UBR4: variants seen among roughly 807,000 people sequenced by gnomAD.
UBR4 encodes the protein ubiquitin protein ligase E3 component n-recognin 4, also known as E3 ubiquitin-protein ligase UBR4.
Under a neutral mutation model 575.6 loss-of-function variants are expected in UBR4, and 124 were observed. The observed-to-expected ratio is 0.22, with a 90% CI of 0.19 to 0.25. The LOEUF is 0.25. Among genes scored for constraint, UBR4 ranks in the 10% least tolerant of loss-of-function variants. UBR4 has a pLI of 1.00. For missense variants in UBR4, 4,818 were observed against 6,478.8 expected, an observed-to-expected ratio of 0.74 and a Z score of 8.80; for synonymous variants, 2,455 against 2,473.7, an observed-to-expected ratio of 0.99 and a Z score of 0.22.
At position 19,173,311 on chromosome 1, in the gene UBR4, T is replaced by A. The variant is rs753872839; in HGVS notation, c.3166-5A>T. ...TCCCTGTTTGATAAGGTGATCCTAT[T>A]TGGACAGCAAGAAAAAGTGTTTAGG... On this transcript the variant is annotated splice_polypyrimidine_tract_variant and splice_region_variant and intron_variant, in intron 23 of 105. Transcript: ENST00000375254. 3 of 1,614,050 alleles carry A rather than the reference T, an allele frequency of 1.9e-6. No homozygotes were observed. In the South Asian group the frequency reaches 3.3e-5, roughly 18 times the overall value.
Position 19,100,177 on chromosome 1 carries a change from A to C in UBR4, c.13221+199T>G. 5 of 606,566 alleles carry C rather than the reference A, an allele frequency of 8.2e-6. No individual in the cohort carries two copies. Among genetic ancestry groups the C allele is most frequent in the African/African-American group, 1.8e-5 (1 of 54,094 alleles). The allele number at this position is 606,566 out of a possible 1,614,324, so 37.6% of individuals were successfully genotyped here. A position where few individuals can be genotyped will look rare whatever the true frequency, so the allele number is the denominator to read the frequency against. On this transcript the variant is annotated intron_variant, in intron 89 of 105. Coordinates refer to ENST00000375254, the MANE Select transcript of UBR4 (RefSeq NM_020765.3). This position sits in a 1 kb window ranked among gnomAD's most constrained non-coding sequence, Gnocchi z 4.2. Reference sequence around the variant, plus strand: ...GCTTACTTCCTGCCAGGCACTGGGCAGAGCCCTTTACAGGTTATTAACCTT... The same window carrying C: ...GCTTACTTCCTGCCAGGCACTGGGCCGAGCCCTTTACAGGTTATTAACCTT...
In UBR4 at chr1:19,113,711, G is replaced by A. The variant is rs747041102; in HGVS notation, c.11445C>T (p.Ser3815=). 7.5e-5 allele frequency: 121 copies of A among 1,614,036 alleles called. 1 individual carries two copies. The Admixed American group carries it at 2.0e-3, about 26-fold the overall frequency. Residue 3815 remains serine (S), a synonymous_variant, in exon 77 of 106, where the codon TCC becomes TCT. Transcript: ENST00000375254. ...GDCKNSFDEL[S]KIIQKVFASR... ...CCCCGCTCTCTACCTGGATGATTTT[G>A]GAGAGTTCATCAAAAGAGTTCTTGC...
At position 19,092,708 on chromosome 1, in the gene UBR4, T is replaced by C; in HGVS notation, c.14211+111A>G. 7 of 824,932 alleles carry C rather than the reference T, an allele frequency of 8.5e-6. 1 individual carries two copies. In the Admixed American group the frequency reaches 1.8e-4, roughly 22 times the overall value. The allele number at this position is 824,932 out of a possible 1,614,324, so 51.1% of individuals were successfully genotyped here. Reference sequence around the variant, plus strand: ...AGATGAAGTAGATGACTTCTGAGGCTCACTTCTACTCTAGAAGTCTCATAT... The same window carrying C: ...AGATGAAGTAGATGACTTCTGAGGCCCACTTCTACTCTAGAAGTCTCATAT... On this transcript the variant is annotated intron_variant, in intron 97 of 105. Coordinates refer to ENST00000375254, the MANE Select transcript of UBR4 (RefSeq NM_020765.3).
intron 26 of UBR4, 149 bp downstream of exon 26, chr1:19,170,613 T>TCAAAATA (rs2089366408): frequency 9.2e-7 from 1 of 1,088,340 alleles, no homozygotes. Flanking sequence ...ATTGTGAAGA[T>TCAAAATA]CAAAATAGAC....
intron 10 of UBR4, 41 bp from the exon 11 acceptor site, chr1:19,192,419 A>C: frequency 1.2e-6 from 2 of 1,614,190 alleles, no homozygotes; most frequent in Non-Finnish European, 1.7e-6. Flanking sequence ...AATCATAGAG[A>C]TATTTACATC....
rs140034841 is a variant in UBR4 at position 19,156,919 on chromosome 1, C to T, written c.5767G>A (p.Val1923Ile). 5.9e-5 allele frequency: 95 copies of T among 1,613,334 alleles called. No homozygotes were observed. The highest frequency in any genetic ancestry group is 7.0e-5 in the Non-Finnish European group (82 of 1,179,664). The change falls in exon 41 of 106, where the codon GTT becomes ATT. Residue 1923 changes from valine (V) to isoleucine (I), a missense_variant. By Grantham distance (29) the Val-to-Ile change is conservative. This residue lies in a region of UBR4 where 461 missense variants were observed against 606.9 expected (regional missense o/e 0.76). Transcript: ENST00000375254. ...AVSHEKGKIT[V>I]LQLSALLKQA... The stretch of plus-strand genomic sequence containing the variant: ...TTCAGGAGTGCAGAGAGCTGCAGAA[C>T]GGTGATCTGCAAAGGAACAATGACT...
chr1:19,095,930 T>C (rs2077992818), intron 92 of UBR4: 4 of 360,558 alleles, frequency 1.1e-5, no homozygotes. Flanking sequence ...CTCTGTTTGT[T>C]GTCTTGGGGG....
chr1:19,156,709 A>C, intron 41 of UBR4, 58 bp downstream of exon 41: 9 of 1,568,730 alleles, frequency 5.7e-6, no homozygotes, highest in Non-Finnish European at 7.8e-6. Flanking sequence ...AGAACAGGGG[A>C]GAGAAAATGA....
In UBR4 at chr1:19,140,819, G is replaced by A. The variant is rs768248229; in HGVS notation, c.8562C>T (p.Asp2854=). The A allele has an allele frequency of 2.0e-5, 33 of 1,613,204 alleles. No homozygotes were observed. Among genetic ancestry groups the A allele is most frequent in the African/African-American group, 5.3e-5 (4 of 74,938 alleles). The part of the protein sequence containing the change: ...SGQAPSSSSL[D]AGTLSDTTAS... ...CTGTGGTGTCAGAGAGGGTTCCTGC[G>A]TCCAGAGAGGAAGAGCTGGGTGCCT... Residue 2854 remains aspartate (D), a synonymous_variant, in exon 58 of 106, where the codon GAC becomes GAT. Transcript: ENST00000375254.
At position 19,089,548 on chromosome 1, in the gene UBR4, T is replaced by C. The variant is rs963783947; in HGVS notation, c.14212-571A>G. On this transcript the variant is annotated intron_variant, in intron 97 of 105. Coordinates refer to ENST00000375254, the MANE Select transcript of UBR4 (RefSeq NM_020765.3). This position sits in a 1 kb window ranked among gnomAD's most constrained non-coding sequence, Gnocchi z 4.3. ...ACAAAAAAGATATTAACAAGAAACC[T>C]CTGTGCCTGAAAAAGCTGGAAGTCA... 3.9e-5 allele frequency among the ~76,000 whole-genome samples: 6 copies of C among 152,066 alleles called. No individual in the cohort carries two copies. Among genetic ancestry groups the C allele is most frequent in the Admixed American group, 3.9e-4 (6 of 15,268 alleles).
At chr1:19,124,172 T>C (rs370956070) in intron 65 of UBR4, among the ~76,000 whole-genome samples, 1 of 152,384 alleles carries the variant, frequency 6.6e-6, no homozygotes. Flanking sequence ...TGTTACCTCA[T>C]GTTTCCTTTT....
chr1:19,146,732 A>G, intron 52 of UBR4, 94 bp downstream of exon 52: 2 of 1,466,000 alleles, frequency 1.4e-6, no homozygotes, highest in Non-Finnish European at 1.8e-6. Flanking sequence ...CTGAGCATGC[A>G]GTCAGTCAGA....
At chr1:19,138,685 T>C (rs1261689548) in intron 59 of UBR4, among the ~76,000 whole-genome samples, 2 of 152,220 alleles carry the variant, frequency 1.3e-5, no homozygotes, top group East Asian at 3.9e-4. Flanking sequence ...AAAAAAACCC[T>C]TCCCCAAATA....
rs2080896956 is a variant in UBR4, at chr1:19,119,093, G to A, written c.10456-136C>T. 8 of 732,892 alleles carry A rather than the reference G, an allele frequency of 1.1e-5. No individual in the cohort carries two copies. In the South Asian group the frequency reaches 1.3e-4, roughly 12 times the overall value. 45.4% of individuals were successfully genotyped at this position (732,892 alleles called of 1,614,324 possible). A position where few individuals can be genotyped will look rare whatever the true frequency, so the allele number is the denominator to read the frequency against. ...TCTCAGTCAGAATCATACAAAGCTG[G>A]GCCTAATTTCAATCATTTAAATGGA... is the stretch of plus-strand genomic sequence containing the variant. On this transcript the variant is annotated intron_variant, in intron 70 of 105. Transcript: ENST00000375254.
chr1:19,197,583 C>T, intron 7 of UBR4, 87 bp downstream of exon 7: 2 of 1,537,192 alleles, frequency 1.3e-6, no homozygotes, highest in Non-Finnish European at 8.7e-7. Flanking sequence ...ACCGAGACTG[C>T]ACCCCTGCAC....
At position 19,086,828 on chromosome 1, in the gene UBR4, A is replaced by G; in HGVS notation, c.14545-7T>C. On this transcript the variant is annotated splice_polypyrimidine_tract_variant and splice_region_variant and intron_variant, in intron 99 of 105. Coordinates refer to ENST00000375254, the MANE Select transcript of UBR4 (RefSeq NM_020765.3). Reference sequence around the variant, plus strand: ...TGCCCAGGACCTTTGTGGGCTGCAAAGACGACAACATAAGGAGAGGGGAGG... The same window carrying G: ...TGCCCAGGACCTTTGTGGGCTGCAAGGACGACAACATAAGGAGAGGGGAGG... 6.2e-7 allele frequency: 1 copy of G among 1,613,920 alleles called. No individual in the cohort carries two copies. The highest frequency in any genetic ancestry group is 8.5e-7 in the Non-Finnish European group (1 of 1,179,832).
chr1:19,189,865 G>A (rs1007798256), intron 11 of UBR4, among the ~76,000 whole-genome samples: 5 of 151,982 alleles, frequency 3.3e-5, no homozygotes, highest in East Asian at 3.9e-4. Flanking sequence ...TCCTTACTTC[G>A]CCTAGTATCT....
intron 5 of UBR4, 55 bp downstream of exon 5, chr1:19,198,486 G>A (rs2092586228): frequency 1.3e-6 from 2 of 1,580,490 alleles, no homozygotes; most frequent in Non-Finnish European, 1.7e-6. Flanking sequence ...CTCCCCTAGT[G>A]TTATCATCTT....
chr1:19,173,623 T>C lies in UBR4; in HGVS notation c.2983-2A>G. 1 of 1,613,930 alleles carries C rather than the reference T, an allele frequency of 6.2e-7. No individual in the cohort carries two copies. Among genetic ancestry groups the C allele is most frequent in the Non-Finnish European group, 8.5e-7 (1 of 1,179,902 alleles). Reference sequence around the variant, plus strand: ...GTAATATTGAAGGGCACAGGCCTCCTGGAGAAAGGAAAAGCAGCATAGAGG... The same window carrying C: ...GTAATATTGAAGGGCACAGGCCTCCCGGAGAAAGGAAAAGCAGCATAGAGG... On this transcript the variant is annotated splice_acceptor_variant, in intron 22 of 105. Coordinates refer to ENST00000375254, the MANE Select transcript of UBR4 (RefSeq NM_020765.3). LOFTEE classifies it high-confidence loss of function.
Sources: gnomAD v4.1 joint callset for allele counts (sites outside exome capture counted in the v4.1 genomes callset) on GRCh38, gnomAD v4.1.1 for gene constraint, gnomAD v4.1.1 regional missense constraint, Gnocchi (gnomAD v3.1) non-coding constraint, MANE v1.5 for transcripts, NCBI Gene and HGNC (gene_info 2026-07-23, HGNC 2026-07-21) for gene names.